N4BP2L2: variants seen among roughly 807,000 people sequenced by gnomAD.
N4BP2L2 encodes NEDD4 binding protein 2 like 2, also known as NEDD4-binding protein 2-like 2.
Under a neutral mutation model 56.2 loss-of-function variants are expected in N4BP2L2, and 50 were observed. That is an observed-to-expected ratio of 0.89 (90% CI 0.71 to 1.13). The LOEUF (loss-of-function observed/expected upper bound fraction) is 1.13, where lower values mean the gene tolerates loss of function less well. Ranked by LOEUF, N4BP2L2 falls within the 50% of genes most tolerant of loss-of-function variation. The pLI is 0.00. For missense variants in N4BP2L2, 689 were observed against 693.8 expected, an observed-to-expected ratio of 0.99 and a Z score of 0.08; for synonymous variants, 203 against 223.6, an observed-to-expected ratio of 0.91 and a Z score of 0.82.
chr13:32,489,254 T>G (rs995271907), intron 6 of N4BP2L2, among the ~76,000 whole-genome samples: 2 of 152,236 alleles, frequency 1.3e-5, no homozygotes, highest in Admixed American at 6.5e-5. Flanking sequence ...TAATTCCAAT[T>G]TGAACTATAG....
At chr13:32,446,714 G>A (rs2077105075) in intron 6 of N4BP2L2, among the ~76,000 whole-genome samples, 1 of 152,092 alleles carries the variant, frequency 6.6e-6, no homozygotes, top group East Asian at 1.9e-4. Context: ...TCACCAAAAT[G>A]TTTATAATTC....
chr13:32,442,367 T>C, intron 7 of N4BP2L2: 1 of 1,524,130 alleles, frequency 6.6e-7, no homozygotes, highest in South Asian at 1.3e-5. Context: ...CTTTTACTTT[T>C]AGCAAAAGAA....
chr13:32,514,160 T>C (rs1041096517), exon 6 of N4BP2L2: 6 of 152,126 alleles, frequency 3.9e-5, no homozygotes, highest in Non-Finnish European at 8.8e-5. Context: ...ATAATCTTAC[T>C]TTTAAAACAG....
chr13:32,509,068 T>G (rs73447360), downstream of N4BP2L2: 1 of 152,174 alleles, frequency 6.6e-6, no homozygotes, highest in Non-Finnish European at 1.5e-5. Context: ...GGCTCTGATA[T>G]GGCACTGGAT....
intron 6 of N4BP2L2, among the ~76,000 whole-genome samples, chr13:32,461,927 A>C (rs557416714): frequency 6.6e-6 from 1 of 152,188 alleles, no homozygotes; most frequent in Admixed American, 6.5e-5. Flanking sequence ...TTAAAAAGAC[A>C]AAAAAATAAA....
chr13:32,536,352 T>G (rs749812344), exon 2 of N4BP2L2: 1 of 1,613,998 alleles, frequency 6.2e-7, no homozygotes, highest in Admixed American at 1.7e-5. Flanking sequence ...ATAGCTTTAT[T>G]ACTAAGATCT....
chr13:32,481,118 C>CAAAAAAAAAAAAAAAAAAAAAAAAAA lies in N4BP2L2; in HGVS notation c.365+36713_365+36738dup, dbSNP rs60854435. Among the ~76,000 whole-genome samples, 4 of 20,714 alleles carry CAAAAAAAAAAAAAAAAAAAAAAAAAA rather than the reference C, an allele frequency of 1.9e-4. 2 individuals carry two copies. The highest frequency in any genetic ancestry group is 7.4e-4 in the African/African-American group (4 of 5,406). 13.6% of individuals were successfully genotyped at this position (20,714 alleles called of 152,430 possible). ...TCAGCAACAGAGTGAGACTCTGTCT[C>CAAAAAAAAAAAAAAAAAAAAAAAAAA]AAAAAAAAAAAAAAAAAAAAAAAAA... On this transcript the variant is annotated intron_variant, in intron 6 of 9. Transcript: ENST00000357505.
intron 2 of N4BP2L2, 116 bp downstream of exon 2, chr13:32,535,653 C>T: frequency 1.6e-5 from 18 of 1,136,296 alleles, no homozygotes; most frequent in Non-Finnish European, 2.2e-5. Context: ...ACTGGTCCAC[C>T]CTGGCCTCCC....
intron 6 of N4BP2L2, among the ~76,000 whole-genome samples, chr13:32,448,000 A>C (rs1248992867): frequency 6.6e-6 from 1 of 152,268 alleles, no homozygotes; most frequent in Non-Finnish European, 1.5e-5. Flanking sequence ...TAAGGATTAG[A>C]ATTCCAACTG....
chr13:32,442,750 G>A (rs1281404885), exon 7 of N4BP2L2: 5 of 1,613,190 alleles, frequency 3.1e-6, no homozygotes, highest in Non-Finnish European at 4.2e-6. Context: ...CACAAAAGAA[G>A]GAATATAATT....
At position 32,480,916 on chromosome 13, in the gene N4BP2L2, C is replaced by T. The variant is rs559627104; in HGVS notation, c.366-36790G>A. Among the ~76,000 whole-genome samples, 11 of 151,618 alleles carry T rather than the reference C, an allele frequency of 7.3e-5. No homozygotes were observed. The South Asian group carries it at 1.0e-3, about 14-fold the overall frequency. On this transcript the variant is annotated intron_variant, in intron 6 of 9. Transcript: ENST00000357505. The stretch of plus-strand genomic sequence containing the variant: ...GGCAGATCACTTGAGGTCAGGAGTT[C>T]AAGACCAGCCTGGCCAACATGGTGA...
chr13:32,449,595 T>G (rs1310927136), intron 6 of N4BP2L2, among the ~76,000 whole-genome samples: 3 of 152,224 alleles, frequency 2.0e-5, no homozygotes, highest in African/African-American at 7.2e-5. Context: ...TTAAACAATT[T>G]TTTTCAATGA....
chr13:32,480,132 G>A (rs1434943861), intron 6 of N4BP2L2, among the ~76,000 whole-genome samples: 3 of 152,108 alleles, frequency 2.0e-5, no homozygotes, highest in African/African-American at 7.2e-5. Flanking sequence ...GCCAGAAAAT[G>A]ACAGGCTATC....
At chr13:32,530,019 C>T (rs1274641873) in intron 2 of N4BP2L2, among the ~76,000 whole-genome samples, 1 of 152,102 alleles carries the variant, frequency 6.6e-6, no homozygotes, top group Non-Finnish European at 1.5e-5. Context: ...AGCCACCGTG[C>T]CCGGCACAGG....
At chr13:32,489,937 G>C (rs1002778124) in intron 6 of N4BP2L2, among the ~76,000 whole-genome samples, 2 of 152,114 alleles carry the variant, frequency 1.3e-5, no homozygotes, top group Admixed American at 1.3e-4. Context: ...ATTTTATGCT[G>C]TGCAATAATT....
chr13:32,488,300 T>C (rs1195985097), intron 6 of N4BP2L2, among the ~76,000 whole-genome samples: 1 of 152,146 alleles, frequency 6.6e-6, no homozygotes, highest in South Asian at 2.1e-4. Context: ...AACAAATTAG[T>C]GCAGGAAGAG....
intron 6 of N4BP2L2, among the ~76,000 whole-genome samples, chr13:32,489,451 T>C (rs2086589135): frequency 6.6e-6 from 1 of 152,186 alleles, no homozygotes; most frequent in African/African-American, 2.4e-5. Context: ...AAAAAATGTA[T>C]GGAGATCAAG....
intron 3 of N4BP2L2, chr13:32,524,597 A>T (rs1034741350): frequency 6.6e-6 from 1 of 152,252 alleles, no homozygotes; most frequent in African/African-American, 2.4e-5. Flanking sequence ...AATAATAAAC[A>T]TGAAGCAGAC....
exon 2 of N4BP2L2, chr13:32,537,018 C>T: frequency 6.5e-7 from 1 of 1,544,728 alleles, no homozygotes; most frequent in East Asian, 2.3e-5. Context: ...TCAATTTCAC[C>T]ATAAGACATC....
Sources: gnomAD v4.1 joint callset for allele counts (sites outside exome capture counted in the v4.1 genomes callset) on GRCh38, gnomAD v4.1.1 for gene constraint, MANE v1.5 for transcripts, NCBI Gene and HGNC (gene_info 2026-07-23, HGNC 2026-07-21) for gene names.